ZNF75D: variants seen among roughly 807,000 people sequenced by gnomAD.
ZNF75D encodes the protein zinc finger protein 75.
In ZNF75D, 33 loss-of-function variants were observed where a neutral mutation model predicts 33.3. The ratio of observed to expected loss-of-function variants is 0.99; its 90% confidence interval spans 0.75 to 1.32. ZNF75D has a LOEUF of 1.32. ZNF75D is among the 40% of genes most tolerant of loss of function. ZNF75D has a pLI of 0.00. For synonymous variants in ZNF75D, 113 were observed against 130.6 expected, an observed-to-expected ratio of 0.87 and a Z score of 0.92; for missense variants, 338 against 367.5, an observed-to-expected ratio of 0.92 and a Z score of 0.66.
chrX:135,289,830 G>A (rs1556420799), intron 6 of ZNF75D, among the ~76,000 whole-genome samples: 1 of 111,675 alleles, frequency 9.0e-6, no homozygotes, highest in Non-Finnish European at 1.9e-5. Context: ...AGACCTTTAC[G>A]TGTGATCTGC....
At chrX:135,307,493 G>A (rs2084303338) in intron 1 of ZNF75D, among the ~76,000 whole-genome samples, 1 of 111,526 alleles carries the variant, frequency 9.0e-6, no homozygotes. Flanking sequence ...TCCATGTCCT[G>A]CATATAGACA....
downstream of ZNF75D, among the ~76,000 whole-genome samples, chrX:135,284,261 T>C (rs2083932092): frequency 8.9e-6 from 1 of 112,420 alleles, no homozygotes; most frequent in African/African-American, 3.2e-5. Context: ...CTATTAGCCA[T>C]GTACTGAGAA....
At chrX:135,340,729 AT>A (rs1414241521) in intron 1 of ZNF75D, among the ~76,000 whole-genome samples, 3 of 111,956 alleles carry the variant, frequency 2.7e-5, no homozygotes, top group Non-Finnish European at 5.6e-5. Flanking sequence ...AAGTGGATTG[AT>A]CTGCTCACCC....
intron 1 of ZNF75D, among the ~76,000 whole-genome samples, chrX:135,335,573 G>C (rs1471264484): frequency 1.8e-5 from 2 of 112,199 alleles, no homozygotes; most frequent in Non-Finnish European, 3.8e-5. Context: ...GGCAGGATGA[G>C]TGAGTTGTGT....
At chrX:135,275,703 T>C (rs1455538689) in intron 1 of ZNF75D, among the ~76,000 whole-genome samples, 4 of 110,995 alleles carry the variant, frequency 3.6e-5, no homozygotes, top group Non-Finnish European at 7.5e-5. Context: ...AGGCTTTCAT[T>C]TGGTTCTGTG....
At position 135,306,669 on chromosome X, in the gene ZNF75D, T is replaced by C. The variant is rs192759411; in HGVS notation, c.-390-10630A>G. On this transcript the variant is annotated intron_variant, in intron 1 of 6. Transcript: ENST00000370766. ...AGGAGAATTGATGCCATTGCAAAAA[T>C]TGATCTTCCTTTTCAAAAAATGTAG... Among the ~76,000 whole-genome samples the C allele has an allele frequency of 1.9e-3, 214 of 112,254 alleles. 1 individual carries two copies. Among genetic ancestry groups the C allele is most frequent in the Middle Eastern group, 4.6e-3 (1 of 219 alleles).
chrX:135,275,547 G>T (rs1036390357), intron 1 of ZNF75D, among the ~76,000 whole-genome samples: 1 of 110,303 alleles, frequency 9.1e-6, no homozygotes, highest in Non-Finnish European at 1.9e-5. Context: ...AAAAATTTAG[G>T]GCTGGTTTCC....
intron 1 of ZNF75D, among the ~76,000 whole-genome samples, chrX:135,259,353 G>A (rs1340542226): frequency 9.0e-6 from 1 of 111,641 alleles, no homozygotes; most frequent in Non-Finnish European, 1.9e-5. Flanking sequence ...TAGCTTGATG[G>A]GGATGGCATT....
intron 3 of ZNF75D, 21 bp from the exon 4 acceptor site, chrX:135,292,494 C>A (rs781861795): frequency 2.5e-6 from 3 of 1,199,938 alleles, no homozygotes; most frequent in Non-Finnish European, 3.4e-6. Context: ...TCCCCATCCT[C>A]ATTAGCACAG....
chrX:135,263,892 C>CT (rs1295523211), intron 1 of ZNF75D, among the ~76,000 whole-genome samples: 11 of 112,235 alleles, frequency 9.8e-5, no homozygotes, highest in African/African-American at 3.6e-4. Context: ...CACGCATCTT[C>CT]TGAGTCGATC....
downstream of ZNF75D, among the ~76,000 whole-genome samples, chrX:135,280,962 T>C (rs1261760812): frequency 9.0e-6 from 1 of 111,525 alleles, no homozygotes; most frequent in African/African-American, 3.3e-5. Flanking sequence ...GACAATTATG[T>C]GTCTTTGGGT....
chrX:135,324,090 G>A (rs2084531748), intron 1 of ZNF75D, among the ~76,000 whole-genome samples: 2 of 110,603 alleles, frequency 1.8e-5, no homozygotes, highest in African/African-American at 3.3e-5. Flanking sequence ...GGGAGAGGAG[G>A]GCAGGCAACC....
At chrX:135,318,134 G>A (rs782018444) in intron 1 of ZNF75D, among the ~76,000 whole-genome samples, 5 of 100,894 alleles carry the variant, frequency 5.0e-5, no homozygotes, top group South Asian at 4.7e-4. Flanking sequence ...AATTTAGATC[G>A]TCCTGGCACT....
chrX:135,325,141 A>G (rs1556436823), intron 1 of ZNF75D, among the ~76,000 whole-genome samples: 1 of 109,893 alleles, frequency 9.1e-6, no homozygotes, highest in Admixed American at 9.4e-5. Context: ...TGAGGTGACC[A>G]CATGATAAAT....
intron 1 of ZNF75D, among the ~76,000 whole-genome samples, chrX:135,328,424 C>T (rs1161635998): frequency 9.0e-6 from 1 of 111,350 alleles, no homozygotes; most frequent in Admixed American, 9.5e-5. Flanking sequence ...CACATACTAG[C>T]TATGTGACCT....
chrX:135,271,117 G>C (rs782026986), intron 1 of ZNF75D, among the ~76,000 whole-genome samples: 4 of 111,490 alleles, frequency 3.6e-5, no homozygotes, highest in African/African-American at 1.3e-4. Flanking sequence ...TGCTACAACT[G>C]AGTTTTCACC....
intron 1 of ZNF75D, among the ~76,000 whole-genome samples, chrX:135,259,902 T>C (rs973237814): frequency 1.8e-5 from 2 of 111,987 alleles, no homozygotes; most frequent in African/African-American, 3.2e-5. Flanking sequence ...CCAGTTTTTG[T>C]CCATTCAGTA....
Position 135,294,063 on chromosome X carries a change from C to T in ZNF75D, c.78G>A (p.Val26=). 1 of 1,210,895 alleles carries T rather than the reference C, an allele frequency of 8.3e-7. No homozygotes were observed. Among genetic ancestry groups the T allele is most frequent in the Non-Finnish European group, 1.1e-6 (1 of 894,611 alleles). The stretch of plus-strand genomic sequence containing the variant: ...TCTTACTCTGACTGGAGTTCTCTTT[C>T]ACAGACCCACTAGTCTCCCACATAG... ...MGAMWETSGS[V]KENSSQSKKY... is the part of the protein sequence containing the mutation. The change falls in exon 3 of 7, where the codon GTG becomes GTA. Residue 26 remains valine (V), a synonymous_variant. Coordinates refer to ENST00000370766, the MANE Select transcript of ZNF75D (RefSeq NM_007131.5).
chrX:135,312,311 C>T, intron 1 of ZNF75D, among the ~76,000 whole-genome samples: 1 of 111,492 alleles, frequency 9.0e-6, no homozygotes, highest in East Asian at 2.8e-4. Context: ...ATCCATGTTG[C>T]TGCAACATGG....
Sources: allele counts gnomAD v4.1 joint callset (sites outside exome capture counted in the v4.1 genomes callset), GRCh38; gene constraint gnomAD v4.1.1; transcripts MANE v1.5; gene names NCBI Gene and HGNC (gene_info 2026-07-23, HGNC 2026-07-21).